ARHGEF11: variants seen among roughly 807,000 people sequenced by gnomAD.
ARHGEF11 encodes Rho guanine exchange factor (GEF) 11.
Under a neutral mutation model 193.7 loss-of-function variants are expected in ARHGEF11, and 55 were observed. The observed-to-expected ratio is 0.28, with a 90% CI of 0.23 to 0.36. The LOEUF (loss-of-function observed/expected upper bound fraction) is 0.36. Ranked by LOEUF, ARHGEF11 falls within the 10% of genes least tolerant of loss-of-function variation. The pLI is 1.00. For missense variants in ARHGEF11, 1,723 were observed against 2,005.6 expected (o/e 0.86, Z 2.69); for synonymous variants, 693 against 768.0 (o/e 0.90, Z 1.62).
rs1301126243 is a variant in ARHGEF11 at position 157,019,275 on chromosome 1, C to CA, written c.32+25023dup. On this transcript the variant is annotated intron_variant, in intron 1 of 40. Transcript: ENST00000368194. ...TCAACAAAAAAAGGCATATACATGACAAAATGACACATAAAATTATTATTA... is the reference window on the plus strand; with the variant it reads ...TCAACAAAAAAAGGCATATACATGACAAAAATGACACATAAAATTATTATTA... 6.6e-5 allele frequency among the ~76,000 whole-genome samples: 10 copies of CA among 152,122 alleles called. No homozygotes were observed. In the East Asian group the frequency reaches 1.9e-3, roughly 29 times the overall value.
In ARHGEF11 at chr1:156,945,220, T is replaced by C. The variant is rs190307002; in HGVS notation, c.2813-23A>G. 6.5e-4 allele frequency: 1,050 copies of C among 1,606,216 alleles called. 7 individuals are homozygous for C. In the African/African-American group the frequency reaches 0.012, roughly 19 times the overall value. Reference sequence around the variant, plus strand: ...CACCTACCAAAATGGACAGAAGAGATGGTTGGGGCTCCTGCCTGAGAAGTC... The same window carrying C: ...CACCTACCAAAATGGACAGAAGAGACGGTTGGGGCTCCTGCCTGAGAAGTC... On this transcript the variant is annotated intron_variant, in intron 29 of 40. Transcript: ENST00000368194.
chr1:157,035,830 ATGGAATATATATATGTATATATT>A lies in ARHGEF11; in HGVS notation c.32+8446_32+8468del, dbSNP rs1571604787. ...GGAATATATATATAGGAATATATAT[ATGGAATATATATATGTATATATT>A]TAGGAATATATATAGGAATATATAT... On this transcript the variant is annotated intron_variant, in intron 1 of 40. Transcript: ENST00000368194. 6.3e-3 allele frequency among the ~76,000 whole-genome samples: 4 copies of A among 638 alleles called. No individual in the cohort carries two copies. The South Asian group carries it at 0.3, about 48-fold the overall frequency. The allele number at this position is 638 out of a possible 152,430, so 0.4% of individuals were successfully genotyped here.
rs766766538 is a variant in ARHGEF11 at position 156,944,088 on chromosome 1, G to A, written c.3082C>T (p.Leu1028=). The A allele has an allele frequency of 6.2e-7, 1 of 1,613,852 alleles. No individual in the cohort carries two copies. Among genetic ancestry groups the A allele is most frequent in the East Asian group, 2.2e-5 (1 of 44,882 alleles). ...KDKTLDLHVL[L]LEDLLVLLQK... Reference sequence around the variant, plus strand: ...AGCAGCACTAGGAGGTCCTCCAGCAGCAGCACGTGGAGGTCTGGAGGGGTA... The same window carrying A: ...AGCAGCACTAGGAGGTCCTCCAGCAACAGCACGTGGAGGTCTGGAGGGGTA... The change falls in exon 32 of 41, where the codon CTG becomes TTG. Residue 1028 remains leucine, a synonymous_variant. Coordinates refer to ENST00000368194, the MANE Select transcript of ARHGEF11 (RefSeq NM_198236.3).
At chr1:156,975,456 T>C (rs565266239) in intron 7 of ARHGEF11, among the ~76,000 whole-genome samples, 2 of 152,352 alleles carry the variant, frequency 1.3e-5, no homozygotes, top group African/African-American at 2.4e-5. Context: ...CATTAGATCC[T>C]TATCAGATAC....
chr1:157,001,185 G>A (rs1667166649), intron 1 of ARHGEF11, among the ~76,000 whole-genome samples: 1 of 152,152 alleles, frequency 6.6e-6, no homozygotes, highest in South Asian at 2.1e-4. Flanking sequence ...ATTCTACCGT[G>A]TGATCTGTTT....
At chr1:157,013,299 A>ACACACACACACACACACACACACC (rs534893600) in intron 1 of ARHGEF11, among the ~76,000 whole-genome samples, 9 of 148,736 alleles carry the variant, frequency 6.1e-5, no homozygotes, top group South Asian at 2.2e-4. Context: ...ACACACACAC[A>ACACACACACACACACACACACACC]CCAAGAACCT....
chr1:157,016,815 T>C (rs1469346045), intron 1 of ARHGEF11, among the ~76,000 whole-genome samples: 1 of 151,946 alleles, frequency 6.6e-6, no homozygotes, highest in Non-Finnish European at 1.5e-5. Flanking sequence ...ATTTATTTAT[T>C]TATTTATTTA....
intron 13 of ARHGEF11, among the ~76,000 whole-genome samples, chr1:156,962,517 T>C (rs757040373): frequency 6.6e-6 from 1 of 152,074 alleles, no homozygotes; most frequent in Non-Finnish European, 1.5e-5. Context: ...AGCCTTGCCA[T>C]CTGCAAGTTT....
chr1:157,014,049 A>T (rs1164410701), intron 1 of ARHGEF11, among the ~76,000 whole-genome samples: 1 of 152,188 alleles, frequency 6.6e-6, no homozygotes, highest in Non-Finnish European at 1.5e-5. Context: ...ATGCAGATTC[A>T]AGGTCTCCAG....
At chr1:157,025,806 G>GA (rs1670568181) in intron 1 of ARHGEF11, among the ~76,000 whole-genome samples, 1 of 152,190 alleles carries the variant, frequency 6.6e-6, no homozygotes, top group South Asian at 2.1e-4. Context: ...AACCCAGGCA[G>GA]AAGGAAGGAG....
In ARHGEF11 at chr1:156,936,828, A is replaced by G; in HGVS notation, c.4618T>C (p.Cys1540Arg). ...TGGCTTCACTCACCATCCTCAGGGC[A>G]GGGCCCCAGTTCATGGCTGTTCCTG... Reference protein sequence around the residue: ...DSRNSHELGPCPEDGSDAPLE... With the variant: ...DSRNSHELGPRPEDGSDAPLE... Residue 1540 changes from cysteine to arginine, a missense_variant, in exon 40 of 41, where the codon TGC (cysteine) becomes CGC (arginine). Cys to Arg is a radical substitution (Grantham distance 180). Coordinates refer to ENST00000368194, the MANE Select transcript of ARHGEF11 (RefSeq NM_198236.3). 6.2e-7 allele frequency: 1 copy of G among 1,613,622 alleles called. No individual in the cohort carries two copies. Among genetic ancestry groups the G allele is most frequent in the East Asian group, 2.2e-5 (1 of 44,858 alleles).
chr1:156,965,831 T>C (rs1661608753), intron 11 of ARHGEF11, among the ~76,000 whole-genome samples: 1 of 152,208 alleles, frequency 6.6e-6, no homozygotes, highest in Non-Finnish European at 1.5e-5. Flanking sequence ...TCCTCTCTTC[T>C]ACAGATCACA....
At chr1:157,015,458 C>A (rs1275926270) in intron 1 of ARHGEF11, among the ~76,000 whole-genome samples, 1 of 152,198 alleles carries the variant, frequency 6.6e-6, no homozygotes, top group Non-Finnish European at 1.5e-5. Flanking sequence ...AAACAAGCAA[C>A]CCCACTCTCC....
At chr1:156,964,444 G>A (rs1324879856) in intron 11 of ARHGEF11, among the ~76,000 whole-genome samples, 1 of 152,066 alleles carries the variant, frequency 6.6e-6, no homozygotes, top group African/African-American at 2.4e-5. Flanking sequence ...CCCCAACAAG[G>A]TCTCTGCTTC....
At chr1:157,020,847 T>C (rs932016257) in intron 1 of ARHGEF11, among the ~76,000 whole-genome samples, 2 of 152,228 alleles carry the variant, frequency 1.3e-5, no homozygotes, top group African/African-American at 4.8e-5. Flanking sequence ...CTGATATCGA[T>C]AAAGCAACTG....
chr1:156,935,848 CGG>C lies in ARHGEF11; in HGVS notation c.*150_*151del, dbSNP rs1460018075. ...CGACTTGAGCAGACCAAGCAACATGCGGGTCTCCCCCCGGGCCTTGGCTGGAT... is the reference window on the plus strand; with the variant it reads ...CGACTTGAGCAGACCAAGCAACATGCGTCTCCCCCCGGGCCTTGGCTGGAT... On this transcript the variant is annotated 3_prime_UTR_variant, in exon 41 of 41. Transcript: ENST00000368194. 7 of 826,662 alleles carry C rather than the reference CGG, an allele frequency of 8.5e-6. No individual in the cohort carries two copies. Among genetic ancestry groups the C allele is most frequent in the Non-Finnish European group, 1.3e-5 (7 of 535,184 alleles). 51.2% of individuals were successfully genotyped at this position (826,662 alleles called of 1,614,324 possible). A position where few individuals can be genotyped will look rare whatever the true frequency, so the allele number is the denominator to read the frequency against.
chr1:157,016,597 A>G (rs1669260463), intron 1 of ARHGEF11, among the ~76,000 whole-genome samples: 1 of 152,180 alleles, frequency 6.6e-6, no homozygotes, highest in South Asian at 2.1e-4. Flanking sequence ...GTGTGGTAAC[A>G]GTATTGTGAC....
At chr1:156,980,513 T>C (rs762895095) in intron 3 of ARHGEF11, 27 bp from the exon 4 acceptor site, 4 of 1,576,718 alleles carry the variant, frequency 2.5e-6, no homozygotes, top group Middle Eastern at 3.3e-4. Context: ...TGGTCAGCAG[T>C]GCCCAACAAC....
At chr1:156,988,448 C>A (rs544654026) in intron 1 of ARHGEF11, among the ~76,000 whole-genome samples, 8 of 152,340 alleles carry the variant, frequency 5.3e-5, no homozygotes, top group African/African-American at 1.9e-4. Context: ...AACTCCTCCT[C>A]CTTCCTACCT....
Sources: allele counts gnomAD v4.1 joint callset (sites outside exome capture counted in the v4.1 genomes callset), GRCh38; gene constraint gnomAD v4.1.1; transcripts MANE v1.5; gene names NCBI Gene and HGNC (gene_info 2026-07-23, HGNC 2026-07-21).